The following CTNNA3 variants were observed in gnomAD, a reference collection of about 807,000 sequenced individuals.
CTNNA3 encodes the protein catenin alpha 3, also known as catenin alpha-3.
Under a neutral mutation model 95.7 loss-of-function variants are expected in CTNNA3, and 76 were observed. That is an observed-to-expected ratio of 0.79 (90% confidence interval 0.66 to 0.96). CTNNA3 has a LOEUF of 0.96. Ranked by LOEUF, CTNNA3 falls within the 40% of genes least tolerant of loss-of-function variation. The probability of loss-of-function intolerance (pLI) is 0.00; values close to 1 mark genes in which losing one functional copy is unlikely to be tolerated. For synonymous variants in CTNNA3, 431 were observed against 374.4 expected, an observed-to-expected ratio of 1.15 and a Z score of -1.74; for missense variants, 1,191 against 1,089.8, an observed-to-expected ratio of 1.09 and a Z score of -1.31.
At chr10:66,458,801 C>A (rs1564983463) in intron 11 of CTNNA3, among the ~76,000 whole-genome samples, 1 of 152,064 alleles carries the variant, frequency 6.6e-6, no homozygotes, top group Non-Finnish European at 1.5e-5. Flanking sequence ...TATGATAAGC[C>A]ATATTTTGTT....
In CTNNA3 at chr10:66,890,877, A is replaced by C. The variant is rs184428448; in HGVS notation, c.1048-115353T>G. The stretch of plus-strand genomic sequence containing the variant: ...TGAAGTAAAGCCCTTTGAAGGAGTC[A>C]AGGTGTGAAATTCAGAGCACAGAGA... On this transcript the variant is annotated intron_variant, in intron 7 of 17. Coordinates refer to ENST00000433211, the MANE Select transcript of CTNNA3 (RefSeq NM_013266.4). Among the ~76,000 whole-genome samples, 804 of 152,268 alleles carry C rather than the reference A, an allele frequency of 5.3e-3. 5 individuals carry two copies. The highest frequency in any genetic ancestry group is 9.0e-3 in the Non-Finnish European group (615 of 68,022).
In CTNNA3 at chr10:66,675,908, T is replaced by C. The variant is rs192012032; in HGVS notation, c.1282-54124A>G. 3.1e-4 allele frequency among the ~76,000 whole-genome samples: 47 copies of C among 152,128 alleles called. 1 individual carries two copies. In the East Asian group the frequency reaches 6.4e-3, roughly 21 times the overall value. On this transcript the variant is annotated intron_variant, in intron 9 of 17. Coordinates refer to ENST00000433211, the MANE Select transcript of CTNNA3 (RefSeq NM_013266.4). ...AGCAAAGGCTATGCCACCCAGAAAT[T>C]TGAATCTGGAAACACAGAAGTTGCA...
At chr10:66,392,257 G>C (rs942714220) in intron 11 of CTNNA3, among the ~76,000 whole-genome samples, 1 of 151,780 alleles carries the variant, frequency 6.6e-6, no homozygotes, top group Non-Finnish European at 1.5e-5. Context: ...GGTCAAACCC[G>C]TCTCTACTTT....
intron 17 of CTNNA3, among the ~76,000 whole-genome samples, chr10:65,964,944 T>G (rs1290509568): frequency 6.6e-6 from 1 of 152,214 alleles, no homozygotes; most frequent in East Asian, 1.9e-4. Context: ...TGTATGCATA[T>G]GTGTCTATAC....
At chr10:66,729,990 C>T (rs1177623272) in intron 9 of CTNNA3, among the ~76,000 whole-genome samples, 1 of 151,556 alleles carries the variant, frequency 6.6e-6, no homozygotes, top group Admixed American at 6.6e-5. Flanking sequence ...CCTGTAGTCC[C>T]AGCTACTGGG....
chr10:67,196,757 A>G (rs1475988981), intron 6 of CTNNA3, among the ~76,000 whole-genome samples: 1 of 152,102 alleles, frequency 6.6e-6, no homozygotes, highest in African/African-American at 2.4e-5. Context: ...CAATCTCTGT[A>G]TAAAAGAATA....
At chr10:66,669,725 A>T (rs1380981079) in intron 9 of CTNNA3, among the ~76,000 whole-genome samples, 1 of 152,176 alleles carries the variant, frequency 6.6e-6, no homozygotes, top group Non-Finnish European at 1.5e-5. Flanking sequence ...CTCTGCATAT[A>T]GCAGTCCCCT....
At chr10:66,873,172 T>A (rs1844480896) in intron 7 of CTNNA3, among the ~76,000 whole-genome samples, 1 of 152,158 alleles carries the variant, frequency 6.6e-6, no homozygotes, top group African/African-American at 2.4e-5. Context: ...TGCACGTATG[T>A]TTTTGGTAGA....
At chr10:66,815,112 T>C (rs953311430) in intron 7 of CTNNA3, among the ~76,000 whole-genome samples, 4 of 152,120 alleles carry the variant, frequency 2.6e-5, no homozygotes, top group Admixed American at 2.0e-4. Context: ...AAAAATGAAA[T>C]GATGAAAATC....
chr10:67,094,844 T>C (rs1857874677), intron 7 of CTNNA3, among the ~76,000 whole-genome samples: 1 of 151,722 alleles, frequency 6.6e-6, no homozygotes, highest in Non-Finnish European at 1.5e-5. Context: ...TGCATACATA[T>C]ACCATATCAT....
chr10:66,942,302 A>G (rs1256489712), intron 7 of CTNNA3, among the ~76,000 whole-genome samples: 1 of 152,206 alleles, frequency 6.6e-6, no homozygotes, highest in African/African-American at 2.4e-5. Flanking sequence ...GACGCTTACC[A>G]ATCATTATTA....
At chr10:66,233,422 C>T (rs1264596792) in intron 13 of CTNNA3, among the ~76,000 whole-genome samples, 1 of 152,024 alleles carries the variant, frequency 6.6e-6, no homozygotes, top group South Asian at 2.1e-4. Context: ...ATTCACATTA[C>T]ACTCATCAGA....
intron 7 of CTNNA3, among the ~76,000 whole-genome samples, chr10:66,790,191 G>A (rs1840913948): frequency 6.6e-6 from 1 of 152,160 alleles, no homozygotes; most frequent in African/African-American, 2.4e-5. Context: ...GCTCATGATT[G>A]TAATGCCAGC....
intron 1 of CTNNA3, among the ~76,000 whole-genome samples, chr10:67,726,209 T>C (rs547034492): frequency 2.8e-3 from 285 of 103,176 alleles, no homozygotes; most frequent in African/African-American, 0.011. Context: ...ATATCATATA[T>C]TATACATAAT....
intron 13 of CTNNA3, among the ~76,000 whole-genome samples, chr10:66,148,837 A>C (rs1355852526): frequency 6.6e-6 from 1 of 152,126 alleles, no homozygotes; most frequent in African/African-American, 2.4e-5. Context: ...ACTAGCTTTT[A>C]AAACTAAATA....
At chr10:67,628,204 C>A in intron 2 of CTNNA3, among the ~76,000 whole-genome samples, 1 of 143,396 alleles carries the variant, frequency 7.0e-6, no homozygotes, top group African/African-American at 2.6e-5. Flanking sequence ...CATATAGTAT[C>A]AATAAGAAAT....
chr10:67,647,023 G>A (rs1166444315), intron 2 of CTNNA3, among the ~76,000 whole-genome samples: 1 of 151,752 alleles, frequency 6.6e-6, no homozygotes, highest in African/African-American at 2.4e-5. Flanking sequence ...AGGCAAGTTA[G>A]TGAAATTCTC....
chr10:66,358,429 T>A (rs984611364), intron 12 of CTNNA3, among the ~76,000 whole-genome samples: 1 of 152,194 alleles, frequency 6.6e-6, no homozygotes, highest in Non-Finnish European at 1.5e-5. Context: ...CAGTCTGCCA[T>A]TACTTTACAG....
chr10:66,968,820 G>A (rs867612701), intron 7 of CTNNA3, among the ~76,000 whole-genome samples: 2 of 151,874 alleles, frequency 1.3e-5, no homozygotes, highest in African/African-American at 4.8e-5. Flanking sequence ...AGTTTAAGAC[G>A]AGCCTGGCCA....
Sources: allele counts gnomAD v4.1 joint callset (sites outside exome capture counted in the v4.1 genomes callset), GRCh38; gene constraint gnomAD v4.1.1; transcripts MANE v1.5; gene names NCBI Gene and HGNC (gene_info 2026-07-23, HGNC 2026-07-21).